The following SPATA17 variants were observed in gnomAD, a reference collection of about 807,000 sequenced individuals.
The protein encoded by SPATA17 is spermatogenesis associated 17.
SPATA17 carries 53 observed loss-of-function variants against 62.2 expected under a neutral mutation model. That is an observed-to-expected ratio of 0.85 (90% confidence interval 0.68 to 1.07). SPATA17 has a LOEUF of 1.07. SPATA17 is among the 50% of genes least tolerant of loss of function. The pLI is 0.00. For synonymous variants in SPATA17, 146 were observed against 146.8 expected (o/e 0.99, Z 0.04); for missense variants, 466 against 425.5 (o/e 1.10, Z -0.84).
chr1:217,659,841 C>T (rs1670528474), intron 3 of SPATA17, among the ~76,000 whole-genome samples: 1 of 152,190 alleles, frequency 6.6e-6, no homozygotes, highest in Non-Finnish European at 1.5e-5. Context: ...ATCATTTTTA[C>T]TTTCCCTCTT....
chr1:217,654,115 T>TTTTA lies in SPATA17; in HGVS notation c.240+2952_240+2955dup, dbSNP rs1670381007. On this transcript the variant is annotated intron_variant, in intron 3 of 10. Transcript: ENST00000366933. ...TTTCTTTCCAATTTTGACATATGAT[T>TTTTA]TTTATTTATTTATTTATTCTTATTT... Among the ~76,000 whole-genome samples the TTTTA allele has an allele frequency of 2.6e-5, 4 of 151,784 alleles. No individual in the cohort carries two copies. The South Asian group carries it at 6.2e-4, about 24-fold the overall frequency.
At chr1:217,849,027 C>A (rs1415394004) in intron 9 of SPATA17, among the ~76,000 whole-genome samples, 2 of 152,064 alleles carry the variant, frequency 1.3e-5, no homozygotes, top group Non-Finnish European at 2.9e-5. Context: ...TTAATGGATG[C>A]AATATCCTTT....
intron 6 of SPATA17, among the ~76,000 whole-genome samples, chr1:217,749,499 C>T (rs761572568): frequency 1.2e-4 from 18 of 151,820 alleles, no homozygotes; most frequent in Non-Finnish European, 7.4e-5. Flanking sequence ...TTACATTAAA[C>T]GATCCACGAT....
chr1:217,637,674 TTC>T (rs1431558987), intron 1 of SPATA17, among the ~76,000 whole-genome samples: 1 of 152,166 alleles, frequency 6.6e-6, no homozygotes, highest in Non-Finnish European at 1.5e-5. Context: ...ATTTGAAAAA[TTC>T]TCTTAGTCCT....
chr1:217,766,060 G>A (rs916977262), intron 6 of SPATA17, among the ~76,000 whole-genome samples: 3 of 151,928 alleles, frequency 2.0e-5, no homozygotes, highest in Admixed American at 2.0e-4. Flanking sequence ...TATATTTGAA[G>A]TGGGTTTCTT....
intron 9 of SPATA17, among the ~76,000 whole-genome samples, chr1:217,842,338 GT>G (rs1675428300): frequency 6.6e-6 from 1 of 151,904 alleles, no homozygotes; most frequent in South Asian, 2.1e-4. Context: ...AATTTGGGTA[GT>G]TTTCCCTCTT....
chr1:217,649,843 T>C (rs1289562317), intron 2 of SPATA17, among the ~76,000 whole-genome samples: 1 of 151,026 alleles, frequency 6.6e-6, no homozygotes, highest in Non-Finnish European at 1.5e-5. Flanking sequence ...TAATAACTCA[T>C]CAGGCCTGGA....
chr1:217,817,010 A>C (rs758707599), intron 9 of SPATA17, among the ~76,000 whole-genome samples: 26 of 152,076 alleles, frequency 1.7e-4, no homozygotes, highest in Non-Finnish European at 3.8e-4. Flanking sequence ...TCAGCTCATG[A>C]ATTAGTCTTA....
intron 9 of SPATA17, among the ~76,000 whole-genome samples, chr1:217,808,373 ACACACACACC>A (rs751558177): frequency 4.4e-5 from 5 of 114,830 alleles, no homozygotes; most frequent in East Asian, 2.2e-4. Flanking sequence ...ACACACACAC[ACACACACACC>A]CCCCTCAGAA....
At chr1:217,650,047 C>T (rs918334723) in intron 2 of SPATA17, among the ~76,000 whole-genome samples, 1 of 150,444 alleles carries the variant, frequency 6.6e-6, no homozygotes, top group Non-Finnish European at 1.5e-5. Context: ...TCAAGCGATT[C>T]TCCTGCCTCA....
chr1:217,755,195 G>A (rs2102958496), intron 6 of SPATA17, among the ~76,000 whole-genome samples: 1 of 152,146 alleles, frequency 6.6e-6, no homozygotes, highest in South Asian at 2.1e-4. Context: ...GGTGTGATAT[G>A]ATTTTAAGTA....
Position 217,755,676 on chromosome 1 carries a change from T to C in SPATA17, c.519+13578T>C, listed in dbSNP as rs1673025113. ...AACATATGTATGCATATAATTTCTG[T>C]TTTAACATCCCACTAAATAAATGTG... is the stretch of plus-strand genomic sequence containing the variant. On this transcript the variant is annotated intron_variant, in intron 6 of 10. Coordinates refer to ENST00000366933, the MANE Select transcript of SPATA17 (RefSeq NM_138796.4). Among the ~76,000 whole-genome samples the C allele has an allele frequency of 2.6e-5, 4 of 152,018 alleles. No homozygotes were observed. The South Asian group carries it at 8.3e-4, about 31-fold the overall frequency.
At chr1:217,689,659 T>C (rs1165599189) in intron 5 of SPATA17, among the ~76,000 whole-genome samples, 2 of 152,182 alleles carry the variant, frequency 1.3e-5, no homozygotes, top group Admixed American at 6.5e-5. Context: ...GTTTAATCAG[T>C]CCTTCAAACT....
intron 4 of SPATA17, among the ~76,000 whole-genome samples, chr1:217,675,213 G>A (rs1413807952): frequency 6.6e-6 from 1 of 152,182 alleles, no homozygotes; most frequent in East Asian, 1.9e-4. Flanking sequence ...AGATTACAGT[G>A]TGTCAGAGTG....
rs192541478 is a variant in SPATA17, at chr1:217,771,117, G to T, written c.520-3217G>T. On this transcript the variant is annotated intron_variant, in intron 6 of 10. Coordinates refer to ENST00000366933, the MANE Select transcript of SPATA17 (RefSeq NM_138796.4). ...AGTCAGCAGCCGGGCCTGATGCAAG[G>T]AGGTCAGTAAGAAGCTATTAGCAGA... Among the ~76,000 whole-genome samples the T allele has an allele frequency of 2.6e-3, 399 of 151,236 alleles. 10 individuals are homozygous for T. Among genetic ancestry groups the T allele is most frequent in the Admixed American group, 0.024 (361 of 15,086 alleles).
At chr1:217,772,126 TC>T in intron 6 of SPATA17, among the ~76,000 whole-genome samples, 1 of 152,162 alleles carries the variant, frequency 6.6e-6, no homozygotes, top group Admixed American at 6.5e-5. Flanking sequence ...TTTATTTTTT[TC>T]TTAGTACAAT....
At chr1:217,825,744 ATTCT>A (rs1357499298) in intron 9 of SPATA17, among the ~76,000 whole-genome samples, 5 of 152,174 alleles carry the variant, frequency 3.3e-5, no homozygotes, top group African/African-American at 1.2e-4. Context: ...TATAGTCTAC[ATTCT>A]TTCTAACATT....
intron 9 of SPATA17, chr1:217,850,611 A>G: frequency 6.3e-7 from 1 of 1,595,100 alleles, no homozygotes; most frequent in South Asian, 1.1e-5. Context: ...CTTGCCAGTC[A>G]GGGTCTTCAC....
At chr1:217,832,659 T>C (rs1393329838) in intron 9 of SPATA17, among the ~76,000 whole-genome samples, 1 of 152,118 alleles carries the variant, frequency 6.6e-6, no homozygotes, top group Non-Finnish European at 1.5e-5. Context: ...AAGTTTACTT[T>C]TGGCTGGGCA....
Sources: allele counts gnomAD v4.1 joint callset (sites outside exome capture counted in the v4.1 genomes callset), GRCh38; gene constraint gnomAD v4.1.1; transcripts MANE v1.5; gene names NCBI Gene and HGNC (gene_info 2026-07-23, HGNC 2026-07-21).